The following HOXC4 variants were observed in gnomAD, a reference collection of about 807,000 sequenced individuals.
HOXC4 encodes the protein homeobox protein Hox-C4.
In HOXC4, 15 loss-of-function variants were observed where a neutral mutation model predicts 25.5. The observed-to-expected ratio is 0.59, with a 90% CI of 0.39 to 0.91. The LOEUF (loss-of-function observed/expected upper bound fraction) is 0.91, where lower values mean the gene tolerates loss of function less well. HOXC4 is among the 40% of genes least tolerant of loss of function. The pLI is 0.00. For missense variants in HOXC4, 342 were observed against 352.4 expected (o/e 0.97, Z 0.24); for synonymous variants, 165 against 148.0 (o/e 1.11, Z -0.83).
upstream of HOXC4, among the ~76,000 whole-genome samples, chr12:54,050,383 G>A (rs936190624): frequency 6.6e-6 from 1 of 152,206 alleles, no homozygotes; most frequent in East Asian, 1.9e-4. Flanking sequence ...GCTGGCAAAA[G>A]GTAGTCAGAA....
Position 54,055,118 on chromosome 12 carries a change from G to A in HOXC4, c.708G>A (p.Ser236=), listed in dbSNP as rs1231307786. 45 of 1,612,950 alleles carry A rather than the reference G, an allele frequency of 2.8e-5. No individual in the cohort carries two copies. Among genetic ancestry groups the A allele is most frequent in the African/African-American group, 4.0e-5 (3 of 74,664 alleles). Residue 236 remains serine (S), a synonymous_variant, in exon 2 of 2, where the codon TCG becomes TCA. Coordinates refer to ENST00000430889, the MANE Select transcript of HOXC4 (RefSeq NM_153633.3). ...CCGGCGCTGCGCCCAGCACCCTTTC[G>A]GCAGCTACCCCGGGTACTTCTGAAG... The part of the protein sequence containing the change: ...PPAGAAPSTL[S]AATPGTSEDH...
intron 1 of HOXC4, among the ~76,000 whole-genome samples, chr12:54,038,594 A>G (rs1211099018): frequency 6.6e-6 from 1 of 151,984 alleles, no homozygotes; most frequent in Non-Finnish European, 1.5e-5. Flanking sequence ...CTCCCTCACT[A>G]CCAGGCTTGG....
intron 1 of HOXC4, among the ~76,000 whole-genome samples, chr12:54,039,748 T>A (rs2136455449): frequency 6.6e-6 from 1 of 152,004 alleles, no homozygotes; most frequent in Non-Finnish European, 1.5e-5. Context: ...CCCTCCAGCC[T>A]CCCCAGGGCT....
chr12:54,026,973 G>A (rs929142089), intron 1 of HOXC4, among the ~76,000 whole-genome samples: 5 of 140,692 alleles, frequency 3.6e-5, no homozygotes, highest in African/African-American at 1.2e-4. Context: ...GTGGGGGGGG[G>A]GGGATATGAG....
At chr12:54,051,677 G>A (rs11170791), upstream of HOXC4, among the ~76,000 whole-genome samples, 2,416 of 152,312 alleles carry the variant, frequency 0.016, 157 homozygotes, top group East Asian at 0.19. Context: ...TGTCCTCTTG[G>A]AGAGAGAGTA....
At chr12:54,033,301 G>C in intron 1 of HOXC4, 2 of 1,614,066 alleles carry the variant, frequency 1.2e-6, no homozygotes. Flanking sequence ...TCTCTCCACG[G>C]GGTAGACATG....
At chr12:54,040,233 A>G (rs141683667) in intron 1 of HOXC4, among the ~76,000 whole-genome samples, 53 of 152,178 alleles carry the variant, frequency 3.5e-4, no homozygotes, top group Middle Eastern at 3.4e-3. Flanking sequence ...GGAAGCTTTT[A>G]ATTTTGTTCC....
rs745531147 is a variant in HOXC4, at chr12:54,054,096, G to A, written c.174G>A (p.Pro58=). Residue 58 remains proline (P), a synonymous_variant, in exon 1 of 2, where the codon CCG becomes CCA. Transcript: ENST00000430889. ...AGGAGCTGTACCCACCACCGCCTCC[G>A]CGCCCTAGCTACCCTGAGCGCCAGT... is the stretch of plus-strand genomic sequence containing the variant. ...HHQELYPPPP[P]RPSYPERQYS... 8 of 1,613,786 alleles carry A rather than the reference G, an allele frequency of 5.0e-6. No individual in the cohort carries two copies. Among genetic ancestry groups the A allele is most frequent in the African/African-American group, 2.7e-5 (2 of 74,786 alleles).
At chr12:54,036,531 A>T (rs1328202644) in intron 1 of HOXC4, among the ~76,000 whole-genome samples, 1 of 152,146 alleles carries the variant, frequency 6.6e-6, no homozygotes. Flanking sequence ...TCCTCACCCC[A>T]TGCTTGGCAC....
At chr12:54,050,002 A>G (rs1937808610), upstream of HOXC4, among the ~76,000 whole-genome samples, 1 of 152,206 alleles carries the variant, frequency 6.6e-6, no homozygotes. Context: ...CCTGCATTTC[A>G]AAGAGTAGGG....
At chr12:54,031,616 G>A (rs1940990683) in intron 1 of HOXC4, among the ~76,000 whole-genome samples, 1 of 152,196 alleles carries the variant, frequency 6.6e-6, no homozygotes, top group Non-Finnish European at 1.5e-5. Context: ...TACAGGGAGA[G>A]GTGTTGAGGA....
At chr12:54,025,063 G>T (rs1410132769) in intron 1 of HOXC4, among the ~76,000 whole-genome samples, 1 of 152,188 alleles carries the variant, frequency 6.6e-6, no homozygotes, top group Admixed American at 6.5e-5. Flanking sequence ...AGGCTAAGGG[G>T]CCAGAGCAGT....
upstream of HOXC4, among the ~76,000 whole-genome samples, chr12:54,051,313 C>G (rs560653453): frequency 6.6e-6 from 1 of 151,998 alleles, no homozygotes; most frequent in African/African-American, 2.4e-5. Context: ...TTGGACTTCC[C>G]GGTGGAGCCA....
intron 1 of HOXC4, chr12:54,028,477 A>G: frequency 6.3e-7 from 1 of 1,578,772 alleles, no homozygotes. Flanking sequence ...GGAGACAGAA[A>G]TAAATATTAA....
chr12:54,032,088 T>C (rs2136444283), intron 1 of HOXC4, among the ~76,000 whole-genome samples: 1 of 152,352 alleles, frequency 6.6e-6, no homozygotes, highest in Admixed American at 6.5e-5. Flanking sequence ...CTGGCATAGG[T>C]ACCACATAAG....
At chr12:54,031,961 T>A (rs1941003881) in intron 1 of HOXC4, among the ~76,000 whole-genome samples, 1 of 152,204 alleles carries the variant, frequency 6.6e-6, no homozygotes, top group Admixed American at 6.5e-5. Context: ...CCAGAGACCT[T>A]TTCCCCAAAG....
intron 1 of HOXC4, among the ~76,000 whole-genome samples, chr12:54,045,216 G>T (rs1349478551): frequency 6.6e-6 from 1 of 152,186 alleles, no homozygotes; most frequent in East Asian, 1.9e-4. Flanking sequence ...TTATATATGT[G>T]AAAACGTATT....
chr12:54,023,185 C>A (rs778236023), intron 1 of HOXC4, among the ~76,000 whole-genome samples: 1 of 152,160 alleles, frequency 6.6e-6, no homozygotes, highest in Non-Finnish European at 1.5e-5. Context: ...GGCTTGGGCA[C>A]CAGCCCCCAA....
At chr12:54,051,823 G>C (rs1361690154), upstream of HOXC4, among the ~76,000 whole-genome samples, 1 of 152,238 alleles carries the variant, frequency 6.6e-6, no homozygotes, top group Non-Finnish European at 1.5e-5. Flanking sequence ...CTTTGGGCAC[G>C]GCTGTGGGTC....
Sources: gnomAD v4.1 joint callset for allele counts (sites outside exome capture counted in the v4.1 genomes callset) on GRCh38, gnomAD v4.1.1 for gene constraint, MANE v1.5 for transcripts, NCBI Gene and HGNC (gene_info 2026-07-23, HGNC 2026-07-21) for gene names.